The following IL1RAPL1 variants were observed in gnomAD, a reference collection of about 807,000 sequenced individuals.
IL1RAPL1 encodes interleukin-1 receptor accessory protein-like 1.
IL1RAPL1 carries 3 observed loss-of-function variants against 48.4 expected under a neutral mutation model. The observed-to-expected ratio is 0.06, with a 90% CI of 0.03 to 0.16. IL1RAPL1 has a LOEUF of 0.16. Ranked by LOEUF, IL1RAPL1 falls within the 10% of genes least tolerant of loss-of-function variation. The pLI, the probability that IL1RAPL1 is intolerant of heterozygous loss-of-function variation, is 1.00. For missense variants in IL1RAPL1, 349 were observed against 530.6 expected (o/e 0.66, Z 3.36); for synonymous variants, 185 against 187.7 (o/e 0.99, Z 0.12).
chrX:29,281,034 A>C (rs769625427), intron 2 of IL1RAPL1, among the ~76,000 whole-genome samples: 1 of 111,991 alleles, frequency 8.9e-6, no homozygotes, highest in African/African-American at 3.2e-5. Context: ...AAGATAATAA[A>C]TGTGGATAAT....
At chrX:29,406,368 G>C (rs1290705303) in intron 5 of IL1RAPL1, among the ~76,000 whole-genome samples, 1 of 103,404 alleles carries the variant, frequency 9.7e-6, no homozygotes, top group Non-Finnish European at 2.0e-5. Flanking sequence ...CAGACTGGGC[G>C]ACAGAGCGAG....
intron 5 of IL1RAPL1, among the ~76,000 whole-genome samples, chrX:29,494,265 C>G (rs149961957): frequency 9.0e-6 from 1 of 111,641 alleles, no homozygotes; most frequent in African/African-American, 3.3e-5. Flanking sequence ...ATTAGTTTGC[C>G]TCTAGTTGCA....
chrX:29,327,685 A>G (rs899925005), intron 3 of IL1RAPL1, among the ~76,000 whole-genome samples: 3 of 106,803 alleles, frequency 2.8e-5, no homozygotes, highest in Non-Finnish European at 5.8e-5. Context: ...AACTTTTTAA[A>G]CTTCAGGTTA....
chrX:29,215,935 C>T (rs992104424), intron 2 of IL1RAPL1, among the ~76,000 whole-genome samples: 6 of 111,126 alleles, frequency 5.4e-5, no homozygotes, highest in African/African-American at 2.0e-4. Flanking sequence ...CTGGTCCATT[C>T]TCTGCTTGAA....
intron 2 of IL1RAPL1, among the ~76,000 whole-genome samples, chrX:29,240,191 CACACATATAT>C (rs1438597496): frequency 2.2e-4 from 6 of 27,823 alleles, no homozygotes; most frequent in Admixed American, 4.2e-4. Context: ...GGTACACACA[CACACATATAT>C]ATATATATAT....
chrX:29,752,293 C>T (rs1397979970), intron 6 of IL1RAPL1, among the ~76,000 whole-genome samples: 2 of 106,525 alleles, frequency 1.9e-5, no homozygotes, highest in Non-Finnish European at 3.9e-5. Flanking sequence ...GTCAGGAGAT[C>T]GAGAACATCC....
chrX:29,937,426 T>C (rs1321281983), intron 8 of IL1RAPL1, among the ~76,000 whole-genome samples: 2 of 112,199 alleles, frequency 1.8e-5, no homozygotes, highest in East Asian at 5.6e-4. Context: ...TGATTTCTCT[T>C]AACTGTGACA....
intron 1 of IL1RAPL1, among the ~76,000 whole-genome samples, chrX:28,772,723 T>C (rs1936322472): frequency 8.9e-6 from 1 of 112,255 alleles, no homozygotes; most frequent in African/African-American, 3.2e-5. Flanking sequence ...TCAATTAGCA[T>C]GACGTTATAT....
chrX:29,270,725 C>T (rs937981030), intron 2 of IL1RAPL1, among the ~76,000 whole-genome samples: 1 of 112,094 alleles, frequency 8.9e-6, no homozygotes, highest in East Asian at 2.8e-4. Context: ...TAAGACTTCA[C>T]GCTTTGTTCT....
chrX:29,408,957 A>C (rs1230241351), intron 5 of IL1RAPL1, among the ~76,000 whole-genome samples: 1 of 112,339 alleles, frequency 8.9e-6, no homozygotes, highest in Non-Finnish European at 1.9e-5. Flanking sequence ...CAACGGAAAC[A>C]CATTTAACTG....
At chrX:29,905,204 CT>C (rs1932583209) in intron 6 of IL1RAPL1, among the ~76,000 whole-genome samples, 1 of 106,469 alleles carries the variant, frequency 9.4e-6, no homozygotes, top group East Asian at 2.8e-4. Flanking sequence ...CCTTTGCCCA[CT>C]TTTTGATGGG....
intron 8 of IL1RAPL1, among the ~76,000 whole-genome samples, chrX:29,933,657 C>CAAAAAAAAAAAAAAAAAAGAA (rs1217616087): frequency 2.9e-5 from 1 of 34,118 alleles, no homozygotes; most frequent in Non-Finnish European, 6.8e-5. Context: ...ACAAAATAGA[C>CAAAAAAAAAAAAAAAAAAGAA]AAAAAAAAAA....
At chrX:29,920,915 G>C (rs1431835119) in intron 8 of IL1RAPL1, among the ~76,000 whole-genome samples, 4 of 106,661 alleles carry the variant, frequency 3.8e-5, no homozygotes, top group Non-Finnish European at 7.7e-5. Flanking sequence ...TTTAGTGTAA[G>C]AACTGTCTGG....
At chrX:29,402,576 G>A (rs1225384039) in intron 5 of IL1RAPL1, among the ~76,000 whole-genome samples, 1 of 111,421 alleles carries the variant, frequency 9.0e-6, no homozygotes. Context: ...AGTTCCCCCT[G>A]TTATTCACAT....
At chrX:28,615,568 A>G (rs1211260922) in intron 1 of IL1RAPL1, among the ~76,000 whole-genome samples, 1 of 111,054 alleles carries the variant, frequency 9.0e-6, no homozygotes, top group Non-Finnish European at 1.9e-5. Context: ...AGCCATCAAC[A>G]GGCCCTTGTC....
At chrX:29,707,266 TAAAC>T (rs1395695831) in intron 6 of IL1RAPL1, among the ~76,000 whole-genome samples, 1 of 110,263 alleles carries the variant, frequency 9.1e-6, no homozygotes, top group Non-Finnish European at 1.9e-5. Context: ...GGAATGTTCA[TAAAC>T]AAAAAAATAA....
intron 2 of IL1RAPL1, among the ~76,000 whole-genome samples, chrX:28,832,453 A>G (rs1209054863): frequency 9.0e-6 from 1 of 111,584 alleles, no homozygotes; most frequent in Non-Finnish European, 1.9e-5. Context: ...TCAGAATCTT[A>G]ATATAATTAT....
At chrX:29,302,238 A>C (rs1459811876) in intron 3 of IL1RAPL1, among the ~76,000 whole-genome samples, 2 of 112,066 alleles carry the variant, frequency 1.8e-5, no homozygotes, top group Non-Finnish European at 3.8e-5. Context: ...GGTGATGAAC[A>C]AGAGTCAAAG....
chrX:28,602,515 C>T (rs377041407), intron 1 of IL1RAPL1, among the ~76,000 whole-genome samples: 2 of 112,119 alleles, frequency 1.8e-5, no homozygotes, highest in East Asian at 2.8e-4. Flanking sequence ...AGATGAGTGG[C>T]GGCTATTGGA....
Sources: gnomAD v4.1 joint callset for allele counts (sites outside exome capture counted in the v4.1 genomes callset) on GRCh38, gnomAD v4.1.1 for gene constraint, MANE v1.5 for transcripts, NCBI Gene and HGNC (gene_info 2026-07-23, HGNC 2026-07-21) for gene names.